Variants in SNTG2 observed in about 807,000 individuals in gnomAD.
The protein encoded by SNTG2 is syntrophin gamma 2.
In SNTG2, 74 loss-of-function variants were observed where a neutral mutation model predicts 70.9. That is an observed-to-expected ratio of 1.04 (90% CI 0.86 to 1.27). The LOEUF is 1.27. Among genes scored for constraint, SNTG2 ranks in the 50% most tolerant of loss-of-function variants. The pLI, the probability that SNTG2 is intolerant of heterozygous loss-of-function variation, is 0.00. For missense variants in SNTG2, 717 were observed against 690.7 expected (o/e 1.04, Z -0.43); for synonymous variants, 278 against 273.8 (o/e 1.02, Z -0.15).
chr2:987,929 T>C (rs1452478927), intron 1 of SNTG2, among the ~76,000 whole-genome samples: 1 of 152,188 alleles, frequency 6.6e-6, no homozygotes. Flanking sequence ...CCCCTGGGTC[T>C]GCGCCCAGGA....
At chr2:965,944 AGCTCCTCCCG>A (rs1332469976) in intron 1 of SNTG2, among the ~76,000 whole-genome samples, 1 of 151,758 alleles carries the variant, frequency 6.6e-6, no homozygotes, top group East Asian at 2.0e-4. Context: ...GGCTGGGCCC[AGCTCCTCCCG>A]GCTGCTCCCG....
intron 9 of SNTG2, among the ~76,000 whole-genome samples, chr2:1,223,717 T>A (rs1237716071): frequency 1.3e-5 from 2 of 152,036 alleles, no homozygotes; most frequent in Admixed American, 1.3e-4. Context: ...AAAGAGTGGA[T>A]GGAGAAGGTT....
intron 1 of SNTG2, among the ~76,000 whole-genome samples, chr2:985,395 GAGCT>G (rs1419526561): frequency 6.6e-6 from 1 of 151,866 alleles, no homozygotes; most frequent in Non-Finnish European, 1.5e-5. Flanking sequence ...GGGTTTGTGT[GAGCT>G]CAGGGATGTG....
intron 13 of SNTG2, among the ~76,000 whole-genome samples, chr2:1,264,592 C>T (rs1678623864): frequency 6.6e-6 from 1 of 152,246 alleles, no homozygotes; most frequent in Non-Finnish European, 1.5e-5. Context: ...TGGTTGCCAC[C>T]ATTTCAGACC....
intron 1 of SNTG2, among the ~76,000 whole-genome samples, chr2:1,001,200 G>C (rs1255864772): frequency 1.3e-5 from 2 of 151,840 alleles, no homozygotes; most frequent in Non-Finnish European, 2.9e-5. Context: ...GCTCCTAAGA[G>C]CTGGAACAAG....
At chr2:1,189,467 A>G (rs1349852228) in intron 8 of SNTG2, among the ~76,000 whole-genome samples, 3 of 152,162 alleles carry the variant, frequency 2.0e-5, no homozygotes, top group African/African-American at 7.2e-5. Context: ...TTGTTCTTCC[A>G]GACCTTTTAT....
intron 7 of SNTG2, among the ~76,000 whole-genome samples, chr2:1,168,113 G>A (rs112330875): frequency 7.6e-4 from 99 of 131,124 alleles, no homozygotes; most frequent in African/African-American, 3.1e-3. Flanking sequence ...CAGTACTGAA[G>A]CCTACAGGCC....
chr2:1,199,358 A>G (rs2147963530), intron 8 of SNTG2, among the ~76,000 whole-genome samples: 1 of 152,058 alleles, frequency 6.6e-6, no homozygotes, highest in Admixed American at 6.5e-5. Flanking sequence ...TACTCAAATT[A>G]GGGAAGGGAT....
chr2:1,104,180 G>A (rs1016593017), intron 4 of SNTG2, among the ~76,000 whole-genome samples: 2 of 152,208 alleles, frequency 1.3e-5, no homozygotes, highest in Middle Eastern at 3.2e-3. Flanking sequence ...TCATCGTCCG[G>A]TGCTGCCCCT....
intron 16 of SNTG2, among the ~76,000 whole-genome samples, chr2:1,329,671 T>C (rs1052676152): frequency 1.3e-5 from 2 of 152,206 alleles, no homozygotes; most frequent in Non-Finnish European, 2.9e-5. Flanking sequence ...TCATGTGTTC[T>C]TAGTTTTGAC....
chr2:1,233,910 C>T (rs908313111), intron 9 of SNTG2, among the ~76,000 whole-genome samples: 9 of 151,920 alleles, frequency 5.9e-5, no homozygotes, highest in Non-Finnish European at 1.3e-4. Flanking sequence ...CGGTGGACCC[C>T]GGGGTGCCAA....
chr2:1,241,109 C>T (rs1417790639), intron 11 of SNTG2, among the ~76,000 whole-genome samples: 2 of 152,212 alleles, frequency 1.3e-5, no homozygotes, highest in Non-Finnish European at 2.9e-5. Flanking sequence ...TATTCACACA[C>T]GCAAAATTAG....
chr2:990,939 T>C (rs1158744822), intron 1 of SNTG2, among the ~76,000 whole-genome samples: 1 of 152,162 alleles, frequency 6.6e-6, no homozygotes, highest in Non-Finnish European at 1.5e-5. Flanking sequence ...AAGGCATATA[T>C]TGTATTATTT....
intron 14 of SNTG2, among the ~76,000 whole-genome samples, chr2:1,284,307 C>T (rs776420231): frequency 6.6e-6 from 1 of 152,202 alleles, no homozygotes; most frequent in Non-Finnish European, 1.5e-5. Context: ...TTGTAACGTT[C>T]CCTCTCTCTC....
chr2:1,233,738 T>TAA (rs2148086214), intron 9 of SNTG2, among the ~76,000 whole-genome samples: 1 of 152,362 alleles, frequency 6.6e-6, no homozygotes. Context: ...ATTCACTTTC[T>TAA]AGAGTATAAG....
At chr2:1,270,795 C>CT (rs1678980076) in intron 14 of SNTG2, among the ~76,000 whole-genome samples, 1 of 152,198 alleles carries the variant, frequency 6.6e-6, no homozygotes, top group South Asian at 2.1e-4. Flanking sequence ...TATTTCCTGA[C>CT]TTTGATCGTA....
intron 16 of SNTG2, among the ~76,000 whole-genome samples, chr2:1,339,543 G>A (rs1470328912): frequency 6.6e-6 from 1 of 152,174 alleles, no homozygotes; most frequent in African/African-American, 2.4e-5. Flanking sequence ...GTTTGTAGCT[G>A]TTTTTATATT....
intron 2 of SNTG2, 43 bp downstream of exon 2, chr2:1,083,698 G>A (rs771519741): frequency 1.3e-5 from 21 of 1,609,056 alleles, no homozygotes; most frequent in Admixed American, 3.3e-5. Context: ...TGTTTCGGAC[G>A]AGCCCCATGA....
chr2:1,178,182 T>C (rs189232724), intron 8 of SNTG2, among the ~76,000 whole-genome samples: 1 of 152,312 alleles, frequency 6.6e-6, no homozygotes, highest in East Asian at 1.9e-4. Context: ...GGGCTCTCTC[T>C]TGTAGAGACG....
Sources: allele counts gnomAD v4.1 joint callset (sites outside exome capture counted in the v4.1 genomes callset), GRCh38; gene constraint gnomAD v4.1.1; transcripts MANE v1.5; gene names NCBI Gene and HGNC (gene_info 2026-07-23, HGNC 2026-07-21).